Variants in CSMD2 observed in about 807,000 individuals in gnomAD.
CSMD2 encodes CUB and Sushi multiple domains 2, also known as CUB and sushi domain-containing protein 2.
Under a neutral mutation model 398.5 loss-of-function variants are expected in CSMD2, and 130 were observed. That is an observed-to-expected ratio of 0.33 (90% CI 0.28 to 0.38). CSMD2 has a LOEUF of 0.38. Among genes scored for constraint, CSMD2 ranks in the 10% least tolerant of loss-of-function variants. The pLI, the probability that CSMD2 is intolerant of heterozygous loss-of-function variation, is 1.00. For synonymous variants in CSMD2, 1,828 were observed against 1,908.5 expected, an observed-to-expected ratio of 0.96 and a Z score of 1.10; for missense variants, 3,829 against 4,764.9, an observed-to-expected ratio of 0.80 and a Z score of 5.78.
At chr1:34,133,493 T>C (rs1328685523) in intron 1 of CSMD2, among the ~76,000 whole-genome samples, 1 of 151,670 alleles carries the variant, frequency 6.6e-6, no homozygotes, top group Non-Finnish European at 1.5e-5. Context: ...TAGCCAGGCG[T>C]GGTGGTGGGT....
chr1:34,055,348 T>C (rs1436342898), intron 2 of CSMD2, among the ~76,000 whole-genome samples: 1 of 152,176 alleles, frequency 6.6e-6, no homozygotes, highest in African/African-American at 2.4e-5. Context: ...TGTCCTCCAG[T>C]GCAATTCAAC....
chr1:33,679,572 G>A (rs1644835459), intron 25 of CSMD2, among the ~76,000 whole-genome samples: 1 of 152,220 alleles, frequency 6.6e-6, no homozygotes, highest in African/African-American at 2.4e-5. Flanking sequence ...TAAAATGGCT[G>A]TAATTTCAAT....
chr1:33,968,045 T>C lies in CSMD2; in HGVS notation c.518-32091A>G, dbSNP rs147409589. Among the ~76,000 whole-genome samples, 686 of 152,312 alleles carry C rather than the reference T, an allele frequency of 4.5e-3. 4 individuals are homozygous for C. Among genetic ancestry groups the C allele is most frequent in the African/African-American group, 0.016 (654 of 41,562 alleles). The stretch of plus-strand genomic sequence containing the variant: ...TTTTCAACCCCTGGCTAACTATCAC[T>C]GGTCAGCCTTGCCCCATGAGCCTAG... On this transcript the variant is annotated intron_variant, in intron 3 of 70. Transcript: ENST00000373381.
intron 2 of CSMD2, among the ~76,000 whole-genome samples, chr1:34,040,054 C>T (rs1651658065): frequency 6.6e-6 from 1 of 151,858 alleles, no homozygotes; most frequent in Non-Finnish European, 1.5e-5. Flanking sequence ...GTCCCAGCTA[C>T]TCAGGGGGCT....
In CSMD2 at chr1:33,521,571, G is replaced by A. The variant is rs747236467; in HGVS notation, c.10510-21C>T. The A allele has an allele frequency of 2.5e-5, 37 of 1,498,482 alleles. No individual in the cohort carries two copies. In the Admixed American group the frequency reaches 5.7e-4, roughly 23 times the overall value. 92.8% of individuals were successfully genotyped at this position (1,498,482 alleles called of 1,614,324 possible). A position where few individuals can be genotyped will look rare whatever the true frequency, so the allele number is the denominator to read the frequency against. On this transcript the variant is annotated intron_variant, in intron 67 of 70. Transcript: ENST00000373381. ...GAGACCTGTGATGGTGGGGAGCACAGAGAGCAGGTGGGAGGCTGCTGGAAG... is the reference window on the plus strand; with the variant it reads ...GAGACCTGTGATGGTGGGGAGCACAAAGAGCAGGTGGGAGGCTGCTGGAAG...
At chr1:33,672,331 C>G (rs144990225) in intron 25 of CSMD2, among the ~76,000 whole-genome samples, 2 of 152,238 alleles carry the variant, frequency 1.3e-5, no homozygotes, top group South Asian at 2.1e-4. Context: ...TATTCCGCAC[C>G]TGGCTCGGAG....
In CSMD2 at chr1:33,572,838, G is replaced by T. The variant is rs1218238200; in HGVS notation, c.7577-147C>A. On this transcript the variant is annotated intron_variant, in intron 49 of 70. Transcript: ENST00000373381. ...ATCATAATAAAAAAGAAAATGGGAG[G>T]ATCATCAGCAGAAGAGTTTTTTCTT... 2.9e-5 allele frequency: 15 copies of T among 524,806 alleles called. 1 individual carries two copies. The highest frequency in any genetic ancestry group is 4.3e-5 in the Non-Finnish European group (14 of 325,748). The allele number at this position is 524,806 out of a possible 1,614,324, so 32.5% of individuals were successfully genotyped here.
intron 24 of CSMD2, among the ~76,000 whole-genome samples, chr1:33,698,469 G>C (rs1040662328): frequency 4.6e-5 from 7 of 152,142 alleles, no homozygotes; most frequent in African/African-American, 1.7e-4. Context: ...TATCACCCGC[G>C]TTACAATTTT....
At chr1:33,521,357 C>T in intron 68 of CSMD2, 106 bp downstream of exon 68, 1 of 776,274 alleles carries the variant, frequency 1.3e-6, no homozygotes, top group African/African-American at 1.7e-5. Context: ...CAAAGCACCC[C>T]CGCCTCAGAC....
At chr1:33,561,194 T>G (rs1231848305) in intron 53 of CSMD2, among the ~76,000 whole-genome samples, 1 of 152,186 alleles carries the variant, frequency 6.6e-6, no homozygotes, top group South Asian at 2.1e-4. Context: ...TCTGGGCTAG[T>G]TCTCTTCTGT....
At chr1:34,148,990 C>T (rs1640040285) in intron 1 of CSMD2, among the ~76,000 whole-genome samples, 1 of 152,178 alleles carries the variant, frequency 6.6e-6, no homozygotes, top group African/African-American at 2.4e-5. Context: ...CTCATCTGGT[C>T]ATGAAACCTT....
intron 3 of CSMD2, among the ~76,000 whole-genome samples, chr1:33,980,413 C>A (rs545209579): frequency 6.6e-6 from 1 of 152,174 alleles, no homozygotes; most frequent in Non-Finnish European, 1.5e-5. Flanking sequence ...CAGTGAAACA[C>A]TGGCTGAATG....
chr1:34,151,866 G>A (rs1025404209), intron 1 of CSMD2, among the ~76,000 whole-genome samples: 1 of 140,802 alleles, frequency 7.1e-6, no homozygotes, highest in East Asian at 2.4e-4. Context: ...GAGAAACAGG[G>A]TCTTCTAATT....
intron 15 of CSMD2, among the ~76,000 whole-genome samples, chr1:33,734,547 G>A (rs887139020): frequency 6.6e-6 from 1 of 152,142 alleles, no homozygotes; most frequent in African/African-American, 2.4e-5. Context: ...CGCATTTTGG[G>A]AGGCCGAGGC....
chr1:33,517,979 T>C (rs1009724682), intron 70 of CSMD2, among the ~76,000 whole-genome samples: 2 of 152,228 alleles, frequency 1.3e-5, no homozygotes, highest in African/African-American at 4.8e-5. Flanking sequence ...GCACTGCCAT[T>C]TGTGTGTGGC....
intron 1 of CSMD2, among the ~76,000 whole-genome samples, chr1:34,117,730 C>T (rs1204870121): frequency 6.6e-6 from 1 of 151,718 alleles, no homozygotes; most frequent in East Asian, 1.9e-4. Flanking sequence ...CAACAAAATA[C>T]TAGCAAATGA....
intron 3 of CSMD2, among the ~76,000 whole-genome samples, chr1:33,960,506 A>T (rs973072965): frequency 2.0e-5 from 3 of 152,206 alleles, no homozygotes; most frequent in Non-Finnish European, 2.9e-5. Context: ...GCCATCGGGG[A>T]CAGGGACATT....
chr1:33,520,615 C>G (rs1301759534), intron 68 of CSMD2, among the ~76,000 whole-genome samples: 1 of 152,218 alleles, frequency 6.6e-6, no homozygotes. Flanking sequence ...TGGTCTCAGT[C>G]CATGCAGCTC....
intron 1 of CSMD2, among the ~76,000 whole-genome samples, chr1:34,124,235 CT>C (rs552922846): frequency 1.3e-4 from 20 of 152,320 alleles, no homozygotes; most frequent in African/African-American, 4.3e-4. Context: ...TATATTGATG[CT>C]TCCTGCCAGT....
Sources: gnomAD v4.1 joint callset for allele counts (sites outside exome capture counted in the v4.1 genomes callset) on GRCh38, gnomAD v4.1.1 for gene constraint, MANE v1.5 for transcripts, NCBI Gene and HGNC (gene_info 2026-07-23, HGNC 2026-07-21) for gene names.